The following KAT6A variants were observed in gnomAD, a reference collection of about 807,000 sequenced individuals.
The protein encoded by KAT6A is lysine acetyltransferase 6A, also known as histone acetyltransferase KAT6A.
KAT6A carries 9 observed loss-of-function variants against 198.4 expected under a neutral mutation model. The ratio of observed to expected loss-of-function variants is 0.05; its 90% CI spans 0.03 to 0.08. The LOEUF is 0.08. KAT6A is among the 10% of genes least tolerant of loss of function. KAT6A has a pLI of 1.00. For synonymous variants in KAT6A, 890 were observed against 883.0 expected (o/e 1.01, Z -0.14); for missense variants, 2,077 against 2,509.9 (o/e 0.83, Z 3.69).
chr8:41,987,377 G>A (rs1824667790), intron 3 of KAT6A, 78 bp downstream of exon 3: 2 of 811,080 alleles, frequency 2.5e-6, no homozygotes, highest in Non-Finnish European at 4.3e-6. Context: ...AAGGATCAAG[G>A]ATACAAACTC....
intron 16 of KAT6A, among the ~76,000 whole-genome samples, chr8:41,936,985 C>G (rs757877140): frequency 5.3e-5 from 8 of 152,144 alleles, no homozygotes; most frequent in African/African-American, 9.7e-5. Flanking sequence ...CTGATAAAGG[C>G]TTAGAAAGGA....
At chr8:42,011,751 AAAAG>A in intron 2 of KAT6A, among the ~76,000 whole-genome samples, 1 of 152,232 alleles carries the variant, frequency 6.6e-6, no homozygotes, top group Non-Finnish European at 1.5e-5. Flanking sequence ...AGAAAAAAAA[AAAAG>A]AATAAGAAAC....
rs117806738 is a variant in KAT6A, at chr8:42,026,697, A to G, written c.600+21681T>C. Among the ~76,000 whole-genome samples the G allele has an allele frequency of 5.4e-4, 83 of 152,328 alleles. No homozygotes were observed. In the East Asian group the frequency reaches 0.015, roughly 27 times the overall value. On this transcript the variant is annotated intron_variant, in intron 2 of 16. Transcript: ENST00000265713. ...TTCATGTTTTTCTACATATGAGATC[A>G]TGTTGTCTGCAAAGAGGGACAATCT... is the stretch of plus-strand genomic sequence containing the variant.
At chr8:42,013,396 G>A (rs1422192838) in intron 2 of KAT6A, among the ~76,000 whole-genome samples, 1 of 151,902 alleles carries the variant, frequency 6.6e-6, no homozygotes, top group African/African-American at 2.4e-5. Context: ...ACCAAACCCA[G>A]CTAATTTTTG....
chr8:42,027,180 C>G (rs1314553060), intron 2 of KAT6A, among the ~76,000 whole-genome samples: 1 of 152,066 alleles, frequency 6.6e-6, no homozygotes, highest in Non-Finnish European at 1.5e-5. Context: ...GATTGTCTAT[C>G]AGTATTTTGT....
intron 8 of KAT6A, among the ~76,000 whole-genome samples, chr8:41,956,073 C>T (rs1047486156): frequency 1.3e-5 from 2 of 152,138 alleles, no homozygotes; most frequent in Admixed American, 6.5e-5. Flanking sequence ...TCTCTATACC[C>T]CTCATCCCTG....
intron 12 of KAT6A, among the ~76,000 whole-genome samples, chr8:41,945,889 T>C (rs1822357960): frequency 6.6e-6 from 1 of 151,542 alleles, no homozygotes; most frequent in Non-Finnish European, 1.5e-5. Context: ...ATTAGCCGGG[T>C]TGTGGTGGCT....
chr8:42,004,149 A>C (rs1476700759), intron 2 of KAT6A, among the ~76,000 whole-genome samples: 1 of 152,212 alleles, frequency 6.6e-6, no homozygotes, highest in African/African-American at 2.4e-5. Context: ...ATATATAATA[A>C]AACTAGCTCC....
In KAT6A at chr8:42,048,550, A is replaced by C. The variant is rs774222350; in HGVS notation, c.428T>G (p.Phe143Cys). The C allele has an allele frequency of 5.0e-6, 8 of 1,614,172 alleles. No homozygotes were observed. Among genetic ancestry groups the C allele is most frequent in the Non-Finnish European group, 6.8e-6 (8 of 1,180,030 alleles). The change falls in exon 2 of 17, where the codon TTT becomes TGT. Residue 143 changes from phenylalanine (F) to cysteine (C), a missense_variant. By Grantham distance (205) the Phe-to-Cys change is radical. Coordinates refer to ENST00000265713, the MANE Select transcript of KAT6A (RefSeq NM_006766.5). ...GATAGCCAATCGTAACTGCTGGTGA[A>C]AGCCAGAGGCAGCACTGCCTCCGAA... ...ALFGGSAASG[F>C]HQQLRLAIKR...
chr8:42,011,221 C>T (rs1826003142), intron 2 of KAT6A, among the ~76,000 whole-genome samples: 1 of 152,042 alleles, frequency 6.6e-6, no homozygotes, highest in East Asian at 1.9e-4. Flanking sequence ...GAAAAGAACC[C>T]AAGTCTAATA....
chr8:42,012,579 C>A (rs2150909626), intron 2 of KAT6A, among the ~76,000 whole-genome samples: 1 of 152,258 alleles, frequency 6.6e-6, no homozygotes, highest in South Asian at 2.1e-4. Flanking sequence ...GCTCAGAATG[C>A]CTGCAGGGGC....
chr8:41,983,331 A>C (rs1249874006), intron 3 of KAT6A, among the ~76,000 whole-genome samples: 1 of 152,220 alleles, frequency 6.6e-6, no homozygotes, highest in Non-Finnish European at 1.5e-5. Context: ...ACACTGAAGG[A>C]AAATCCAAGA....
At chr8:41,967,272 A>ATT (rs1564028435) in intron 8 of KAT6A, among the ~76,000 whole-genome samples, 976 of 59,100 alleles carry the variant, frequency 0.017, 14 homozygotes, top group African/African-American at 0.069. Context: ...TTTAAAAAAA[A>ATT]AAATTTATTT....
chr8:41,964,599 A>T (rs1287202930), intron 8 of KAT6A, among the ~76,000 whole-genome samples: 2 of 149,512 alleles, frequency 1.3e-5, no homozygotes, highest in Non-Finnish European at 3.0e-5. Context: ...TCGACGGCTA[A>T]GCATATGATG....
At chr8:41,942,590 C>A in intron 14 of KAT6A, 1 of 601,070 alleles carries the variant, frequency 1.7e-6, no homozygotes, top group East Asian at 2.9e-5. Context: ...TTGATGGTCT[C>A]CTCCTAATTG....
intron 2 of KAT6A, among the ~76,000 whole-genome samples, chr8:42,030,674 C>A (rs1404842690): frequency 2.0e-5 from 3 of 151,884 alleles, no homozygotes; most frequent in Non-Finnish European, 4.4e-5. Context: ...CAGTGATACT[C>A]GTGCCTCAGC....
At chr8:41,949,089 A>C in intron 10 of KAT6A, 133 bp downstream of exon 10, 1 of 530,588 alleles carries the variant, frequency 1.9e-6, no homozygotes, top group Non-Finnish European at 3.0e-6. Context: ...ATGAAGTTTT[A>C]AAAATTATAA....
At chr8:41,963,435 T>C (rs749199296) in intron 8 of KAT6A, among the ~76,000 whole-genome samples, 7 of 152,216 alleles carry the variant, frequency 4.6e-5, no homozygotes, top group Non-Finnish European at 1.0e-4. Flanking sequence ...CTACTCCAAA[T>C]AGAACACTAG....
At chr8:41,992,746 G>C (rs1825006903) in intron 2 of KAT6A, among the ~76,000 whole-genome samples, 1 of 152,124 alleles carries the variant, frequency 6.6e-6, no homozygotes, top group Non-Finnish European at 1.5e-5. Flanking sequence ...GGAAGCTAGA[G>C]GGAAGACTGA....
Sources: gnomAD v4.1 joint callset for allele counts (sites outside exome capture counted in the v4.1 genomes callset) on GRCh38, gnomAD v4.1.1 for gene constraint, MANE v1.5 for transcripts, NCBI Gene and HGNC (gene_info 2026-07-23, HGNC 2026-07-21) for gene names.